The following OPN1SW variants were observed in gnomAD, a reference collection of about 807,000 sequenced individuals.
OPN1SW encodes opsin 1, short wave sensitive.
OPN1SW carries 25 observed loss-of-function variants against 31.9 expected under a neutral mutation model. The ratio of observed to expected loss-of-function variants is 0.78; its 90% CI spans 0.57 to 1.09. The LOEUF (loss-of-function observed/expected upper bound fraction) is 1.09. OPN1SW is among the 50% of genes least tolerant of loss of function. OPN1SW has a pLI of 0.00. For synonymous variants in OPN1SW, 190 were observed against 171.9 expected, an observed-to-expected ratio of 1.11 and a Z score of -0.82; for missense variants, 424 against 448.0, an observed-to-expected ratio of 0.95 and a Z score of 0.48.
In OPN1SW at chr7:128,775,678, G is replaced by A. The variant is rs770906228; in HGVS notation, c.104C>T (p.Ala35Val). The A allele has an allele frequency of 1.2e-5, 20 of 1,614,080 alleles. No individual in the cohort carries two copies. Among genetic ancestry groups the A allele is most frequent in the Admixed American group, 1.2e-4 (7 of 60,008 alleles). The change falls in exon 1 of 5, where the codon GCA (alanine) becomes GTA (valine). Residue 35 changes from alanine (A) to valine (V), a missense_variant. Ala to Val is a moderately conservative substitution (Grantham distance 64). Coordinates refer to ENST00000249389, the MANE Select transcript of OPN1SW (RefSeq NM_001385125.1). ...AAGGAAGACAGTGCCCATGAAAGCT[G>A]CCTGGAGGTAGAAGGCCCAGACAGG... Reference protein sequence around the residue: ...IAPVWAFYLQAAFMGTVFLIG... With the variant: ...IAPVWAFYLQVAFMGTVFLIG...
chr7:128,773,610 G>C lies in OPN1SW; in HGVS notation c.918+39C>G, dbSNP rs778992822. 4 of 1,613,724 alleles carry C rather than the reference G, an allele frequency of 2.5e-6. No individual in the cohort carries two copies. The Admixed American group carries it at 5.0e-5, about 20-fold the overall frequency. On this transcript the variant is annotated intron_variant, in intron 4 of 4. Transcript: ENST00000249389. ...AAGTCAATGGTGAGAAAAGAACCAG[G>C]GTCTTCTGGACCATAGGAATGTGAA... is the stretch of plus-strand genomic sequence containing the variant.
intron 3 of OPN1SW, among the ~76,000 whole-genome samples, 173 bp from the exon 4 acceptor site, chr7:128,774,061 C>T (rs1468886662): frequency 3.3e-5 from 5 of 152,044 alleles, no homozygotes; most frequent in South Asian, 4.2e-4. Flanking sequence ...CTCCACCTCC[C>T]GGGTTCAAGT....
In OPN1SW at chr7:128,775,230, G is replaced by T; in HGVS notation, c.344-76C>A. 6.6e-6 allele frequency: 10 copies of T among 1,516,226 alleles called. No homozygotes were observed. The South Asian group carries it at 1.0e-4, about 16-fold the overall frequency. The allele number at this position is 1,516,226 out of a possible 1,614,324, so 93.9% of individuals were successfully genotyped here. ...GCTGGCAGAGTGGCAAACAGATCGGGTGGAGCAAGCACAGAGAGACAGGGC... is the reference window on the plus strand; with the variant it reads ...GCTGGCAGAGTGGCAAACAGATCGGTTGGAGCAAGCACAGAGAGACAGGGC... On this transcript the variant is annotated intron_variant, in intron 1 of 4. Coordinates refer to ENST00000249389, the MANE Select transcript of OPN1SW (RefSeq NM_001385125.1).
At position 128,773,853 on chromosome 7, in the gene OPN1SW, C is replaced by T. The variant is rs775599996; in HGVS notation, c.714G>A (p.Gln238=). ...TGCGGCTCACCTCCCGTTCAGCCTT[C>T]TGGGTCGTAGCTGACTCCTGCTGCT... is the stretch of plus-strand genomic sequence containing the variant. ...AAQQQESATT[Q]KAEREVSRMV... The change falls in exon 4 of 5, where the codon CAG becomes CAA. Residue 238 remains glutamine, a synonymous_variant. Transcript: ENST00000249389. The T allele has an allele frequency of 9.9e-6, 16 of 1,613,236 alleles. No individual in the cohort carries two copies. Among genetic ancestry groups the T allele is most frequent in the Non-Finnish European group, 1.3e-5 (15 of 1,180,016 alleles).
chr7:128,775,382 C>T lies in OPN1SW; in HGVS notation c.343+57G>A. On this transcript the variant is annotated intron_variant, in intron 1 of 4. Coordinates refer to ENST00000249389, the MANE Select transcript of OPN1SW (RefSeq NM_001385125.1). Reference sequence around the variant, plus strand: ...TCCCCCAGACTCCTCTTTAGGAACCCCCTCCAGTGGAGTAGCAACCTTTGC... The same window carrying T: ...TCCCCCAGACTCCTCTTTAGGAACCTCCTCCAGTGGAGTAGCAACCTTTGC... 5 of 1,525,056 alleles carry T rather than the reference C, an allele frequency of 3.3e-6. No individual in the cohort carries two copies. In the South Asian group the frequency reaches 4.7e-5, roughly 14 times the overall value. The allele number at this position is 1,525,056 out of a possible 1,614,324, so 94.5% of individuals were successfully genotyped here. A position where few individuals can be genotyped will look rare whatever the true frequency, so the allele number is the denominator to read the frequency against.
chr7:128,775,427 C>G lies in OPN1SW; in HGVS notation c.343+12G>C. On this transcript the variant is annotated intron_variant, in intron 1 of 4. Coordinates refer to ENST00000249389, the MANE Select transcript of OPN1SW (RefSeq NM_001385125.1). ...CTTTGCCTTCCCCTAACCCCTTTTTCCCCTGCAGTACCTGCTACAGTGCCC... is the reference window on the plus strand; with the variant it reads ...CTTTGCCTTCCCCTAACCCCTTTTTGCCCTGCAGTACCTGCTACAGTGCCC... The G allele has an allele frequency of 6.2e-7, 1 of 1,604,462 alleles. No individual in the cohort carries two copies. The highest frequency in any genetic ancestry group is 8.5e-7 in the Non-Finnish European group (1 of 1,175,638).
Position 128,775,603 on chromosome 7 carries a change from T to C in OPN1SW, c.179A>G (p.Lys60Arg), listed in dbSNP as rs1355603779. 6.2e-7 allele frequency: 1 copy of C among 1,614,116 alleles called. No individual in the cohort carries two copies. The highest frequency in any genetic ancestry group is 2.2e-5 in the East Asian group (1 of 44,880). ...GTAGTTGAGGGGCTGCCGCAACTTT[T>C]TGTAGCGCAGTGTGGCCACCAGCAC... ...AMVLVATLRY[K>R]KLRQPLNYIL... The change falls in exon 1 of 5, where the codon AAA (lysine) becomes AGA (arginine). Residue 60 changes from lysine (K) to arginine (R), a missense_variant. By Grantham distance (26) the Lys-to-Arg change is conservative. Transcript: ENST00000249389.
At position 128,773,728 on chromosome 7, in the gene OPN1SW, C is replaced by T. The variant is rs1217564642; in HGVS notation, c.839G>A (p.Arg280Gln). 12 of 1,614,070 alleles carry T rather than the reference C, an allele frequency of 7.4e-6. No homozygotes were observed. The highest frequency in any genetic ancestry group is 2.2e-5 in the East Asian group (1 of 44,894). Reference sequence around the variant, plus strand: ...GAAGAATGAAGGAATGGTGACAAGCCGTAAGTCCAGCCCATGGTTACGGTT... The same window carrying T: ...GAAGAATGAAGGAATGGTGACAAGCTGTAAGTCCAGCCCATGGTTACGGTT... Reference protein sequence around the residue: ...VNNRNHGLDLRLVTIPSFFSK... With the variant: ...VNNRNHGLDLQLVTIPSFFSK... Residue 280 changes from arginine to glutamine, a missense_variant, in exon 4 of 5, where the codon CGG becomes CAG. Transcript: ENST00000249389.
chr7:128,772,603 G>A lies in OPN1SW; in HGVS notation c.975C>T (p.Asp325=). ...CTTCTGTTTTCTGGGAGCTGCATGT[G>A]TCGGATTCATCTGTCATGGCCTTCC... ...VCGKAMTDES[D]TCSSQKTEVS... The change falls in exon 5 of 5, where the codon GAC becomes GAT. Residue 325 remains aspartate (D), a synonymous_variant. Transcript: ENST00000249389. 2 of 1,614,190 alleles carry A rather than the reference G, an allele frequency of 1.2e-6. No homozygotes were observed. The highest frequency in any genetic ancestry group is 1.7e-6 in the Non-Finnish European group (2 of 1,180,016).
rs191691952 is a variant in OPN1SW, at chr7:128,775,244, G to C, written c.344-90C>G. On this transcript the variant is annotated intron_variant, in intron 1 of 4. Coordinates refer to ENST00000249389, the MANE Select transcript of OPN1SW (RefSeq NM_001385125.1). Reference sequence around the variant, plus strand: ...AAACAGATCGGGTGGAGCAAGCACAGAGAGACAGGGCTGGACTGACATTTG... The same window carrying C: ...AAACAGATCGGGTGGAGCAAGCACACAGAGACAGGGCTGGACTGACATTTG... The C allele has an allele frequency of 2.0e-5, 28 of 1,424,202 alleles. No homozygotes were observed. The Admixed American group carries it at 4.2e-4, about 21-fold the overall frequency. The allele number at this position is 1,424,202 out of a possible 1,614,324, so 88.2% of individuals were successfully genotyped here.
intron 4 of OPN1SW, 89 bp from the exon 5 acceptor site, chr7:128,772,748 C>G: frequency 6.5e-7 from 1 of 1,546,910 alleles, no homozygotes; most frequent in South Asian, 1.1e-5. Context: ...CAAAGCCTTG[C>G]ACAATGCTTT....
chr7:128,775,373 T>G lies in OPN1SW; in HGVS notation c.343+66A>C, dbSNP rs1801738485. 7 of 1,500,924 alleles carry G rather than the reference T, an allele frequency of 4.7e-6. No individual in the cohort carries two copies. In the Middle Eastern group the frequency reaches 7.5e-4, roughly 162 times the overall value. 93.0% of individuals were successfully genotyped at this position (1,500,924 alleles called of 1,614,324 possible). A position where few individuals can be genotyped will look rare whatever the true frequency, so the allele number is the denominator to read the frequency against. On this transcript the variant is annotated intron_variant, in intron 1 of 4. Coordinates refer to ENST00000249389, the MANE Select transcript of OPN1SW (RefSeq NM_001385125.1). ...AGACTCATTTCCCCCAGACTCCTCT[T>G]TAGGAACCCCCTCCAGTGGAGTAGC... is the stretch of plus-strand genomic sequence containing the variant.
chr7:128,774,881 T>C, intron 2 of OPN1SW, 105 bp downstream of exon 2: 1 of 1,500,528 alleles, frequency 6.7e-7, no homozygotes, highest in Non-Finnish European at 9.1e-7. Context: ...ATTGCAACTC[T>C]TTAAAAGTAG....
chr7:128,774,432 A>G (rs1801710236), intron 3 of OPN1SW, 66 bp downstream of exon 3: 2 of 1,595,532 alleles, frequency 1.3e-6, no homozygotes, highest in South Asian at 1.1e-5. Flanking sequence ...CTTATGTTTC[A>G]GAGCACTCTT....
chr7:128,772,726 T>C, intron 4 of OPN1SW, 67 bp from the exon 5 acceptor site: 1 of 1,602,536 alleles, frequency 6.2e-7, no homozygotes, highest in East Asian at 2.2e-5. Context: ...AAGACCTTAT[T>C]CTCTGTATCA....
At chr7:128,774,372 TC>T in intron 3 of OPN1SW, 125 bp downstream of exon 3, 1 of 1,301,850 alleles carries the variant, frequency 7.7e-7, no homozygotes, top group Non-Finnish European at 1.1e-6. Context: ...TCCTCCTACT[TC>T]CTTTGCTGCT....
chr7:128,774,941 A>G (rs778105835), intron 2 of OPN1SW, 45 bp downstream of exon 2: 1 of 1,611,652 alleles, frequency 6.2e-7, no homozygotes, highest in Non-Finnish European at 8.5e-7. Flanking sequence ...ACCCACATCA[A>G]CCTGAGCTCC....
chr7:128,772,928 G>A (rs1868774), intron 4 of OPN1SW, among the ~76,000 whole-genome samples: 42,380 of 152,110 alleles, frequency 0.28, 6,952 homozygotes, highest in Non-Finnish European at 0.38. Context: ...AGCACTGTCA[G>A]CAGAGGCCCC....
chr7:128,773,272 T>G (rs551741211), intron 4 of OPN1SW, among the ~76,000 whole-genome samples: 1 of 152,334 alleles, frequency 6.6e-6, no homozygotes, highest in South Asian at 2.1e-4. Flanking sequence ...AATCTGAGTT[T>G]TTATTTTTAT....
Sources: gnomAD v4.1 joint callset for allele counts (sites outside exome capture counted in the v4.1 genomes callset) on GRCh38, gnomAD v4.1.1 for gene constraint, MANE v1.5 for transcripts, NCBI Gene and HGNC (gene_info 2026-07-23, HGNC 2026-07-21) for gene names.